Variants in XRCC5 observed in about 807,000 individuals in gnomAD.
The protein encoded by XRCC5 is DNA repair protein Ku80.
In XRCC5, 12 loss-of-function variants were observed where a neutral mutation model predicts 95.7. The observed-to-expected ratio is 0.13, with a 90% CI of 0.08 to 0.20. The LOEUF is 0.20. XRCC5 is among the 10% of genes least tolerant of loss of function. The pLI, the probability that XRCC5 is intolerant of heterozygous loss-of-function variation, is 1.00. For missense variants in XRCC5, 595 were observed against 873.9 expected (o/e 0.68, Z 4.02); for synonymous variants, 281 against 290.3 (o/e 0.97, Z 0.33).
intron 6 of XRCC5, among the ~76,000 whole-genome samples, 197 bp downstream of exon 6, chr2:216,122,450 T>C (rs1379925539): frequency 6.6e-6 from 1 of 152,220 alleles, no homozygotes; most frequent in Non-Finnish European, 1.5e-5. Context: ...GGCACATGTT[T>C]CTCATTTATT....
intron 16 of XRCC5, among the ~76,000 whole-genome samples, chr2:216,169,800 C>T (rs558624110): frequency 2.7e-5 from 4 of 150,712 alleles, no homozygotes; most frequent in South Asian, 4.2e-4. Context: ...AATCCCAGCA[C>T]TTTGGGAGGC....
At chr2:216,203,848 CTTTT>C (rs56250537) in intron 19 of XRCC5, among the ~76,000 whole-genome samples, 1 of 118,776 alleles carries the variant, frequency 8.4e-6, no homozygotes, top group Admixed American at 9.0e-5. Context: ...TTATTCTAAG[CTTTT>C]TTTTTTTTTT....
Position 216,169,719 on chromosome 2 carries a change from G to T in XRCC5, c.1834+7671G>T, listed in dbSNP as rs555211648. Among the ~76,000 whole-genome samples the T allele has an allele frequency of 5.9e-5, 9 of 151,994 alleles. No homozygotes were observed. In the East Asian group the frequency reaches 1.7e-3, roughly 29 times the overall value. ...CCTATTTTAAAATTAATGCTGGAAGGTTGTGTCTAAATTGCAAAAAGGAGG... is the reference window on the plus strand; with the variant it reads ...CCTATTTTAAAATTAATGCTGGAAGTTTGTGTCTAAATTGCAAAAAGGAGG... On this transcript the variant is annotated intron_variant, in intron 16 of 20. Transcript: ENST00000392132.
intron 9 of XRCC5, among the ~76,000 whole-genome samples, chr2:216,131,603 CT>C (rs1696994816): frequency 6.6e-6 from 1 of 152,080 alleles, no homozygotes. Flanking sequence ...ACATGCAGTA[CT>C]TATTTTTGAT....
rs564299571 is a variant in XRCC5, at chr2:216,206,254, A to C, written c.*1052A>C. 6.6e-6 allele frequency: 1 copy of C among 152,204 alleles called. No individual in the cohort carries two copies. Among genetic ancestry groups the C allele is most frequent in the African/African-American group, 2.4e-5 (1 of 41,438 alleles). The allele number at this position is 152,204 out of a possible 1,614,324, so 9.4% of individuals were successfully genotyped here. On this transcript the variant is annotated 3_prime_UTR_variant, in exon 21 of 21. Transcript: ENST00000392132. ...TCGTCACTAATACACAGTTTTGTAC[A>C]TGTAACATTAAAGGCATAAATGACT...
intron 16 of XRCC5, among the ~76,000 whole-genome samples, chr2:216,162,843 C>T (rs185486310): frequency 9.2e-5 from 14 of 152,180 alleles, no homozygotes; most frequent in Admixed American, 9.2e-4. Context: ...TCAGGTAGTA[C>T]CTAGAATCTC....
At chr2:216,195,473 A>G (rs565902240) in intron 19 of XRCC5, among the ~76,000 whole-genome samples, 2 of 138,390 alleles carry the variant, frequency 1.4e-5, no homozygotes, top group East Asian at 2.1e-4. Flanking sequence ...TACCCTAGAG[A>G]TTCTGTTAGT....
rs56300647 is a variant in XRCC5, at chr2:216,137,310, A to C, written c.1251+85A>C. On this transcript the variant is annotated intron_variant, in intron 11 of 20. Coordinates refer to ENST00000392132, the MANE Select transcript of XRCC5 (RefSeq NM_021141.4). The stretch of plus-strand genomic sequence containing the variant: ...TTCTCAGCTGTTAATGTTCATGACA[A>C]TTACTTGGGGATCTTGTTAAAATGC... 2.2e-4 allele frequency: 320 copies of C among 1,425,804 alleles called. 2 individuals carry two copies. In the African/African-American group the frequency reaches 3.8e-3, roughly 17 times the overall value. 88.3% of individuals were successfully genotyped at this position (1,425,804 alleles called of 1,614,324 possible).
intron 12 of XRCC5, among the ~76,000 whole-genome samples, chr2:216,139,210 G>T (rs1427187687): frequency 6.6e-6 from 1 of 152,168 alleles, no homozygotes; most frequent in African/African-American, 2.4e-5. Context: ...GCAGCGGCGT[G>T]ATCATAGCTT....
intron 16 of XRCC5, among the ~76,000 whole-genome samples, chr2:216,184,806 G>A (rs1689464163): frequency 1.3e-5 from 2 of 152,176 alleles, no homozygotes; most frequent in Admixed American, 1.3e-4. Context: ...CTGTCTCCTG[G>A]AAATACCCAA....
chr2:216,181,628 G>A (rs148922356), intron 16 of XRCC5, among the ~76,000 whole-genome samples: 1,715 of 152,268 alleles, frequency 0.011, 30 homozygotes, highest in African/African-American at 0.039. Flanking sequence ...TCCCAATGCC[G>A]CCCGTAGTTT....
intron 17 of XRCC5, among the ~76,000 whole-genome samples, chr2:216,191,322 TA>T (rs1689608151): frequency 6.6e-6 from 1 of 151,300 alleles, no homozygotes; most frequent in African/African-American, 2.4e-5. Context: ...TTATATCTCT[TA>T]AAAAAAATAA....
Position 216,190,338 on chromosome 2 carries a change from A to T in XRCC5, c.1944+4A>T, listed in dbSNP as rs769626912. The T allele has an allele frequency of 6.2e-7, 1 of 1,610,138 alleles. No individual in the cohort carries two copies. The stretch of plus-strand genomic sequence containing the variant: ...CTTCCGGGAAGAAGCCATTAAGGTA[A>T]TGCTATCCTAGCATCTCTTTTCTTC... On this transcript the variant is annotated splice_donor_region_variant and intron_variant, in intron 17 of 20. Coordinates refer to ENST00000392132, the MANE Select transcript of XRCC5 (RefSeq NM_021141.4).
chr2:216,137,069 C>A lies in XRCC5; in HGVS notation c.1114-19C>A, dbSNP rs376207725. On this transcript the variant is annotated intron_variant, in intron 10 of 20. Coordinates refer to ENST00000392132, the MANE Select transcript of XRCC5 (RefSeq NM_021141.4). ...CTCACATGTTGAATATGTGTTAATACATCCATCTTTCTTACCAGGCAGCTG... is the reference window on the plus strand; with the variant it reads ...CTCACATGTTGAATATGTGTTAATAAATCCATCTTTCTTACCAGGCAGCTG... 24 of 1,610,218 alleles carry A rather than the reference C, an allele frequency of 1.5e-5. No individual in the cohort carries two copies. Among genetic ancestry groups the A allele is most frequent in the Non-Finnish European group, 2.0e-5 (24 of 1,178,250 alleles).
At position 216,205,206 on chromosome 2, in the gene XRCC5, G is replaced by A. The variant is rs779780489; in HGVS notation, c.*4G>A. The A allele has an allele frequency of 1.1e-5, 17 of 1,613,842 alleles. No homozygotes were observed. The highest frequency in any genetic ancestry group is 4.4e-5 in the South Asian group (4 of 91,078). ...TTCACAGTTGGACATGATATAGGTCGTGGATGTATGGGGAATCTAAGAGAG... is the reference window on the plus strand; with the variant it reads ...TTCACAGTTGGACATGATATAGGTCATGGATGTATGGGGAATCTAAGAGAG... On this transcript the variant is annotated 3_prime_UTR_variant, in exon 21 of 21. Coordinates refer to ENST00000392132, the MANE Select transcript of XRCC5 (RefSeq NM_021141.4).
intron 13 of XRCC5, among the ~76,000 whole-genome samples, chr2:216,146,547 T>C (rs901094888): frequency 3.3e-5 from 5 of 152,358 alleles, no homozygotes; most frequent in South Asian, 2.1e-4. Context: ...GGAATAGTTA[T>C]ACCTTAATTT....
At chr2:216,176,229 C>T (rs1689272319) in intron 16 of XRCC5, among the ~76,000 whole-genome samples, 1 of 152,148 alleles carries the variant, frequency 6.6e-6, no homozygotes, top group South Asian at 2.1e-4. Flanking sequence ...AGCCATTCTC[C>T]TGCCTCAGCC....
intron 10 of XRCC5, among the ~76,000 whole-genome samples, chr2:216,135,204 T>C (rs548503947): frequency 8.5e-5 from 13 of 152,232 alleles, no homozygotes; most frequent in African/African-American, 3.1e-4. Flanking sequence ...ACATAGTGTT[T>C]GGGGAGTTTC....
intron 16 of XRCC5, among the ~76,000 whole-genome samples, chr2:216,172,894 C>T (rs956986969): frequency 5.3e-5 from 8 of 152,110 alleles, no homozygotes; most frequent in South Asian, 2.1e-4. Context: ...AATAGTTACT[C>T]ATTTATTTAG....
Sources: gnomAD v4.1 joint callset for allele counts (sites outside exome capture counted in the v4.1 genomes callset) on GRCh38, gnomAD v4.1.1 for gene constraint, MANE v1.5 for transcripts, NCBI Gene and HGNC (gene_info 2026-07-23, HGNC 2026-07-21) for gene names.